CDK5RAP2: variants seen among roughly 807,000 people sequenced by gnomAD.
CDK5RAP2 encodes CDK5 regulatory subunit associated protein 2, also known as CDK5 regulatory subunit-associated protein 2.
Under a neutral mutation model 232.9 loss-of-function variants are expected in CDK5RAP2, and 147 were observed. The observed-to-expected ratio is 0.63, with a 90% CI of 0.55 to 0.72. The LOEUF (loss-of-function observed/expected upper bound fraction) is 0.72, where lower values mean the gene tolerates loss of function less well. CDK5RAP2 is among the 30% of genes least tolerant of loss of function. The pLI is 0.00. For synonymous variants in CDK5RAP2, 833 were observed against 833.7 expected (o/e 1.00, Z 0.01); for missense variants, 2,195 against 2,231.5 (o/e 0.98, Z 0.33).
At chr9:120,458,367 G>A (rs1261556732) in intron 20 of CDK5RAP2, 83 bp downstream of exon 20, 6 of 1,327,184 alleles carry the variant, frequency 4.5e-6, no homozygotes, top group African/African-American at 1.4e-5. Flanking sequence ...TACACAGCAC[G>A]ATCATCTAAA....
rs895506840 is a variant in CDK5RAP2, at chr9:120,580,085, G to C, written c.-107C>G. 3 of 681,184 alleles carry C rather than the reference G, an allele frequency of 4.4e-6. No homozygotes were observed. The highest frequency in any genetic ancestry group is 3.6e-5 in the African/African-American group (2 of 55,578). 42.2% of individuals were successfully genotyped at this position (681,184 alleles called of 1,614,324 possible). ...CCAGGTCCCCGCCCCCTCCACCCCA[G>C]CTCTTGTTCAGACTCTGGCGGCGCC... is the stretch of plus-strand genomic sequence containing the variant. On this transcript the variant is annotated 5_prime_UTR_variant, in exon 1 of 38. Coordinates refer to ENST00000349780, the MANE Select transcript of CDK5RAP2 (RefSeq NM_018249.6).
In CDK5RAP2 at chr9:120,394,674, A is replaced by G. The variant is rs180968248; in HGVS notation, c.5452-36T>C. ...GAGAAATTAGAAAAATGAACAAAGA[A>G]CATAAACATCATGTTACACAGGAAG... On this transcript the variant is annotated intron_variant, in intron 35 of 37. Coordinates refer to ENST00000349780, the MANE Select transcript of CDK5RAP2 (RefSeq NM_018249.6). 479 of 1,473,896 alleles carry G rather than the reference A, an allele frequency of 3.2e-4. 2 individuals carry two copies. The highest frequency in any genetic ancestry group is 2.1e-3 in the South Asian group (185 of 88,178). 91.3% of individuals were successfully genotyped at this position (1,473,896 alleles called of 1,614,324 possible). A position where few individuals can be genotyped will look rare whatever the true frequency, so the allele number is the denominator to read the frequency against.
intron 32 of CDK5RAP2, among the ~76,000 whole-genome samples, chr9:120,405,007 T>C (rs779559178): frequency 6.6e-6 from 1 of 152,184 alleles, no homozygotes; most frequent in African/African-American, 2.4e-5. Flanking sequence ...TAACCCAGCA[T>C]GTCAGTGGCA....
chr9:120,548,312 A>C (rs1320652555), intron 4 of CDK5RAP2, among the ~76,000 whole-genome samples: 1 of 152,132 alleles, frequency 6.6e-6, no homozygotes, highest in East Asian at 1.9e-4. Flanking sequence ...GAACTGATAT[A>C]ATATACTCTA....
intron 5 of CDK5RAP2, among the ~76,000 whole-genome samples, chr9:120,544,917 G>A (rs1387934763): frequency 6.6e-6 from 1 of 152,130 alleles, no homozygotes; most frequent in Non-Finnish European, 1.5e-5. Flanking sequence ...GCAGATGTTA[G>A]ACTCGAAATA....
intron 2 of CDK5RAP2, among the ~76,000 whole-genome samples, chr9:120,569,428 G>A (rs1397502245): frequency 6.6e-6 from 1 of 152,198 alleles, no homozygotes; most frequent in Non-Finnish European, 1.5e-5. Flanking sequence ...GGCATGGGGT[G>A]AGGACTGCCA....
At chr9:120,473,681 T>G (rs1401901369) in intron 15 of CDK5RAP2, among the ~76,000 whole-genome samples, 1 of 152,238 alleles carries the variant, frequency 6.6e-6, no homozygotes, top group Non-Finnish European at 1.5e-5. Flanking sequence ...TAATGATCAA[T>G]TTGTAAGGCT....
intron 4 of CDK5RAP2, among the ~76,000 whole-genome samples, chr9:120,546,776 G>A (rs1412014099): frequency 6.6e-6 from 1 of 151,936 alleles, no homozygotes; most frequent in African/African-American, 2.4e-5. Flanking sequence ...TGGGACTATA[G>A]GCGTGCACTG....
chr9:120,415,242 A>G (rs1469761096), intron 27 of CDK5RAP2, 83 bp from the exon 28 acceptor site: 17 of 1,505,478 alleles, frequency 1.1e-5, no homozygotes, highest in Non-Finnish European at 1.6e-5. Context: ...GGATCCTGAA[A>G]TTCCAAACAG....
At chr9:120,553,141 CA>C (rs1002946059) in intron 3 of CDK5RAP2, among the ~76,000 whole-genome samples, 1 of 152,142 alleles carries the variant, frequency 6.6e-6, no homozygotes, top group Admixed American at 6.5e-5. Flanking sequence ...AGTAACACTG[CA>C]AAAGTACTGC....
intron 12 of CDK5RAP2, among the ~76,000 whole-genome samples, chr9:120,499,367 A>G (rs184166439): frequency 2.6e-4 from 40 of 152,158 alleles, no homozygotes; most frequent in Non-Finnish European, 4.9e-4. Context: ...TGGGTATTTG[A>G]ATTTTCCATA....
At chr9:120,408,289 G>T in intron 31 of CDK5RAP2, 58 bp downstream of exon 31, 1 of 1,608,096 alleles carries the variant, frequency 6.2e-7, no homozygotes, top group Non-Finnish European at 8.5e-7. Context: ...ACAGCCAGCT[G>T]TCGGGTGGTC....
chr9:120,422,380 C>G (rs1322686389), intron 26 of CDK5RAP2, among the ~76,000 whole-genome samples: 2 of 152,140 alleles, frequency 1.3e-5, no homozygotes, highest in Non-Finnish European at 2.9e-5. Flanking sequence ...AGAAAGGCCT[C>G]AAATGCCAGG....
chr9:120,441,971 T>C (rs2049823167), intron 23 of CDK5RAP2, among the ~76,000 whole-genome samples: 2 of 152,178 alleles, frequency 1.3e-5, no homozygotes, highest in Admixed American at 1.3e-4. Flanking sequence ...GAGATATCTC[T>C]CCATAAGGCT....
At chr9:120,406,793 C>T (rs2033472777) in intron 32 of CDK5RAP2, 1 of 581,370 alleles carries the variant, frequency 1.7e-6, no homozygotes, top group Admixed American at 3.0e-5. Context: ...AATTCCACTT[C>T]CCTGAGAATC....
rs533297013 is a variant in CDK5RAP2 at position 120,421,230 on chromosome 9, T to C, written c.4005-1270A>G. ...GTCTCCTTTGCCTCAGGCTTGGACA[T>C]TCTCCTGACAGCCCCCAGCCCCTTC... On this transcript the variant is annotated intron_variant, in intron 26 of 37. Coordinates refer to ENST00000349780, the MANE Select transcript of CDK5RAP2 (RefSeq NM_018249.6). Among the ~76,000 whole-genome samples, 9 of 152,276 alleles carry C rather than the reference T, an allele frequency of 5.9e-5. 1 individual carries two copies. Among genetic ancestry groups the C allele is most frequent in the African/African-American group, 2.2e-4 (9 of 41,562 alleles).
At chr9:120,397,953 G>A (rs2032662228) in intron 35 of CDK5RAP2, among the ~76,000 whole-genome samples, 1 of 152,046 alleles carries the variant, frequency 6.6e-6, no homozygotes, top group South Asian at 2.1e-4. Context: ...AAATCCATAG[G>A]GTTCTCTCCC....
chr9:120,428,785 C>G (rs1011822429), intron 25 of CDK5RAP2, among the ~76,000 whole-genome samples: 2 of 152,192 alleles, frequency 1.3e-5, no homozygotes, highest in Non-Finnish European at 2.9e-5. Flanking sequence ...GATACCAAAG[C>G]CGGGCAGAGA....
intron 21 of CDK5RAP2, 90 bp from the exon 22 acceptor site, chr9:120,448,216 G>T (rs1050493488): frequency 2.6e-6 from 3 of 1,136,784 alleles, no homozygotes; most frequent in Non-Finnish European, 4.0e-6. Flanking sequence ...CTTATAAAAC[G>T]GAATTCGAAC....
Sources: gnomAD v4.1 joint callset for allele counts (sites outside exome capture counted in the v4.1 genomes callset) on GRCh38, gnomAD v4.1.1 for gene constraint, MANE v1.5 for transcripts, NCBI Gene and HGNC (gene_info 2026-07-23, HGNC 2026-07-21) for gene names.